Variants in PTPRS observed in about 807,000 individuals in gnomAD.
The protein encoded by PTPRS is protein tyrosine phosphatase receptor type S, also known as receptor-type tyrosine-protein phosphatase S.
In PTPRS, 63 loss-of-function variants were observed where a neutral mutation model predicts 215.3. That is an observed-to-expected ratio of 0.29 (90% CI 0.24 to 0.36). PTPRS has a LOEUF of 0.36. Ranked by LOEUF, PTPRS falls within the 10% of genes least tolerant of loss-of-function variation. The pLI is 1.00. For missense variants in PTPRS, 2,258 were observed against 2,825.8 expected (o/e 0.80, Z 4.56); for synonymous variants, 1,404 against 1,191.4 (o/e 1.18, Z -3.68).
Position 5,265,094 on chromosome 19 carries a change from T to G in PTPRS, c.482A>C (p.Asn161Thr), listed in dbSNP as rs1268476603. ...GAACCAGGTGATCTCAGGGTCAGGG[T>G]TGCCGCTGGCTGCACAGAGCATGGT... is the stretch of plus-strand genomic sequence containing the variant. ...TATMLCAASG[N>T]PDPEITWFKD... is the part of the protein sequence containing the mutation. The change falls in exon 5 of 38, where the codon AAC becomes ACC. Residue 161 changes from asparagine to threonine, a missense_variant. Transcript: ENST00000262963. The G allele has an allele frequency of 6.2e-7, 1 of 1,614,172 alleles. No individual in the cohort carries two copies. The highest frequency in any genetic ancestry group is 8.5e-7 in the Non-Finnish European group (1 of 1,180,032).
chr19:5,300,058 T>C (rs931168681), intron 1 of PTPRS, among the ~76,000 whole-genome samples: 4 of 151,376 alleles, frequency 2.6e-5, no homozygotes, highest in Non-Finnish European at 4.4e-5. Flanking sequence ...CTGGACAACA[T>C]GGCAAAACCC....
rs1341138654 is a variant in PTPRS, at chr19:5,257,504, G to A, written c.706+513C>T. The A allele has an allele frequency of 2.2e-6, 1 of 454,848 alleles. No homozygotes were observed. The highest frequency in any genetic ancestry group is 4.4e-6 in the Non-Finnish European group (1 of 226,538). 28.2% of individuals were successfully genotyped at this position (454,848 alleles called of 1,614,324 possible). On this transcript the variant is annotated intron_variant, in intron 8 of 37. Transcript: ENST00000262963. The surrounding 1 kb of genome is among the most constrained non-coding windows in gnomAD (Gnocchi z 4.4). The stretch of plus-strand genomic sequence containing the variant: ...GGTGGGGGGTGGGAGGGGCAGCCTC[G>A]AAGACCCCTCCTCAACTTCTAGATT...
At chr19:5,292,317 G>A (rs542480386) in intron 1 of PTPRS, among the ~76,000 whole-genome samples, 102 of 152,316 alleles carry the variant, frequency 6.7e-4, no homozygotes, top group African/African-American at 2.3e-3. Flanking sequence ...TGGAGACCGA[G>A]ACGGGGACAG....
intron 17 of PTPRS, 129 bp from the exon 18 acceptor site, chr19:5,223,426 T>G (rs1403864701): frequency 3.4e-6 from 4 of 1,161,082 alleles, no homozygotes; most frequent in Non-Finnish European, 4.5e-6. Context: ...GGTCTTACTC[T>G]GTTGCCCAGC....
At chr19:5,334,023 G>A (rs1253829495) in intron 1 of PTPRS, among the ~76,000 whole-genome samples, 1 of 151,474 alleles carries the variant, frequency 6.6e-6, no homozygotes, top group Non-Finnish European at 1.5e-5. Flanking sequence ...GAAGTTGGGA[G>A]CCACATGTGG....
At chr19:5,260,125 C>T (rs113925968) in intron 7 of PTPRS, among the ~76,000 whole-genome samples, 89 of 151,716 alleles carry the variant, frequency 5.9e-4, no homozygotes, top group African/African-American at 2.0e-3. Flanking sequence ...TTAGAACCTC[C>T]AGATCAGAAA....
At position 5,215,528 on chromosome 19, in the gene PTPRS, G is replaced by A. The variant is rs140530332; in HGVS notation, c.4164C>T (p.Asn1388=). The A allele has an allele frequency of 2.4e-5, 39 of 1,612,036 alleles. No homozygotes were observed. Among genetic ancestry groups the A allele is most frequent in the African/African-American group, 5.3e-5 (4 of 74,892 alleles). Residue 1388 remains asparagine (N), a synonymous_variant, in exon 27 of 38, where the codon AAC becomes AAT. Coordinates refer to ENST00000262963, the MANE Select transcript of PTPRS (RefSeq NM_002850.4). ...MAEHTERLKA[N]DSLKLSQEYE... is the part of the protein sequence containing the mutation. ...ACTCCTGGGAGAGCTTGAGGCTGTCGTTGGCCTTGAGCCGCTCCGTGTGCT... is the reference window on the plus strand; with the variant it reads ...ACTCCTGGGAGAGCTTGAGGCTGTCATTGGCCTTGAGCCGCTCCGTGTGCT...
At position 5,301,690 on chromosome 19, in the gene PTPRS, C is replaced by T. The variant is rs527371336; in HGVS notation, c.-94-15456G>A. On this transcript the variant is annotated intron_variant, in intron 1 of 37. Transcript: ENST00000262963. ...TGGTCTCTCCTTCAAGCGCATCCTC[C>T]CCCTCTACACCCACCAGTCCCCAGG... 2.0e-5 allele frequency among the ~76,000 whole-genome samples: 3 copies of T among 152,110 alleles called. No homozygotes were observed. The East Asian group carries it at 5.8e-4, about 30-fold the overall frequency.
intron 12 of PTPRS, 46 bp from the exon 13 acceptor site, chr19:5,239,109 G>T: frequency 7.5e-6 from 11 of 1,462,000 alleles, no homozygotes; most frequent in Non-Finnish European, 7.5e-6. Context: ...GGGAGAGAGA[G>T]AGAGAGACAG....
chr19:5,261,553 T>C (rs1023893432), intron 6 of PTPRS, among the ~76,000 whole-genome samples: 8 of 152,300 alleles, frequency 5.3e-5, no homozygotes, highest in Middle Eastern at 6.8e-3. Flanking sequence ...CCCCCTTCTC[T>C]CTGCTGCTGA....
At position 5,293,401 on chromosome 19, in the gene PTPRS, G is replaced by A. The variant is rs1418822154; in HGVS notation, c.-94-7167C>T. The A allele has an allele frequency of 3.3e-5, 5 of 152,084 alleles. No individual in the cohort carries two copies. The highest frequency in any genetic ancestry group is 7.3e-5 in the Non-Finnish European group (5 of 68,074). The allele number at this position is 152,084 out of a possible 1,614,324, so 9.4% of individuals were successfully genotyped here. ...GGGGCCCCGGCCGGAAGTGGGGCGG[G>A]GGGACCAGAGGGGAGCCCCATCTGG... On this transcript the variant is annotated intron_variant, in intron 1 of 37. Transcript: ENST00000262963. The surrounding 1 kb of genome is among the most constrained non-coding windows in gnomAD (Gnocchi z 8.4).
In PTPRS at chr19:5,212,310, G is replaced by A. The variant is rs144943123; in HGVS notation, c.4769+27C>T. 596 of 1,610,740 alleles carry A rather than the reference G, an allele frequency of 3.7e-4. 2 individuals are homozygous for A. The East Asian group carries it at 7.4e-3, about 20-fold the overall frequency. Reference sequence around the variant, plus strand: ...TGGGCTGCGGGGACCGGGGGGAAGCGGATGGGGCAGAGTGGGGTGGACGTA... The same window carrying A: ...TGGGCTGCGGGGACCGGGGGGAAGCAGATGGGGCAGAGTGGGGTGGACGTA... On this transcript the variant is annotated intron_variant, in intron 31 of 37. Transcript: ENST00000262963.
intron 1 of PTPRS, among the ~76,000 whole-genome samples, chr19:5,329,427 T>C (rs995133838): frequency 2.3e-4 from 35 of 152,312 alleles, no homozygotes; most frequent in African/African-American, 8.2e-4. Flanking sequence ...AGCTACAGAA[T>C]TGCAGCCCCC....
intron 1 of PTPRS, among the ~76,000 whole-genome samples, chr19:5,332,171 G>A (rs1286963331): frequency 1.3e-5 from 2 of 151,798 alleles, no homozygotes; most frequent in Non-Finnish European, 2.9e-5. Flanking sequence ...CTATCGCCCA[G>A]GCTGGAGTGC....
chr19:5,228,594 T>G (rs1336689742), intron 16 of PTPRS, among the ~76,000 whole-genome samples: 1 of 152,074 alleles, frequency 6.6e-6, no homozygotes, highest in Non-Finnish European at 1.5e-5. Flanking sequence ...GCCACCTGCC[T>G]CAACCTCCCA....
intron 16 of PTPRS, among the ~76,000 whole-genome samples, chr19:5,228,280 G>A (rs1488018772): frequency 6.8e-6 from 1 of 146,824 alleles, no homozygotes; most frequent in East Asian, 2.1e-4. Context: ...AGGAGGTGGA[G>A]GTTGCAGTGA....
intron 1 of PTPRS, among the ~76,000 whole-genome samples, chr19:5,326,304 AG>A (rs1163227913): frequency 2.0e-5 from 3 of 152,172 alleles, no homozygotes; most frequent in African/African-American, 7.2e-5. Context: ...TAAAAGCCTC[AG>A]GTGGGTGCTA....
At chr19:5,331,362 G>A (rs1275194770) in intron 1 of PTPRS, among the ~76,000 whole-genome samples, 3 of 151,926 alleles carry the variant, frequency 2.0e-5, no homozygotes, top group Non-Finnish European at 2.9e-5. Context: ...TGAACTCCTA[G>A]GCTCAAGCAA....
intron 12 of PTPRS, 145 bp from the exon 13 acceptor site, chr19:5,239,208 G>T: frequency 1.6e-6 from 1 of 636,686 alleles, no homozygotes; most frequent in Non-Finnish European, 2.7e-6. Context: ...AGAGACAGGG[G>T]TGCGGCAGAG....
Sources: allele counts gnomAD v4.1 joint callset (sites outside exome capture counted in the v4.1 genomes callset), GRCh38; gene constraint gnomAD v4.1.1; non-coding constraint Gnocchi (gnomAD v3.1); transcripts MANE v1.5; gene names NCBI Gene and HGNC (gene_info 2026-07-23, HGNC 2026-07-21).